ARHGAP15: variants seen among roughly 807,000 people sequenced by gnomAD.
ARHGAP15 encodes the protein rho GTPase-activating protein 15.
A neutral mutation model predicts 63.7 loss-of-function variants in ARHGAP15; 51 were observed. The observed-to-expected ratio is 0.80, with a 90% confidence interval of 0.64 to 1.01. The LOEUF is 1.01. ARHGAP15 is among the 50% of genes least tolerant of loss of function. ARHGAP15 has a pLI of 0.00. For synonymous variants in ARHGAP15, 191 were observed against 193.8 expected (o/e 0.99, Z 0.12); for missense variants, 560 against 564.6 (o/e 0.99, Z 0.08).
chr2:143,664,322 A>G (rs1290238429), intron 12 of ARHGAP15, among the ~76,000 whole-genome samples: 10 of 148,532 alleles, frequency 6.7e-5, no homozygotes, highest in East Asian at 2.0e-4. Flanking sequence ...TGACTACTGG[A>G]TACATAACGA....
chr2:143,687,002 G>T (rs1319686636), intron 12 of ARHGAP15, among the ~76,000 whole-genome samples: 1 of 152,194 alleles, frequency 6.6e-6, no homozygotes, highest in Non-Finnish European at 1.5e-5. Flanking sequence ...GTACACTGAA[G>T]AATTGAGTCA....
At chr2:143,392,886 T>A (rs1320201666) in intron 6 of ARHGAP15, among the ~76,000 whole-genome samples, 1 of 152,122 alleles carries the variant, frequency 6.6e-6, no homozygotes, top group African/African-American at 2.4e-5. Flanking sequence ...AACTAACTCA[T>A]TGTAGATGTG....
intron 12 of ARHGAP15, among the ~76,000 whole-genome samples, chr2:143,644,691 A>G (rs569308444): frequency 8.5e-5 from 13 of 152,254 alleles, no homozygotes; most frequent in Non-Finnish European, 1.9e-4. Context: ...ATCAGAACGC[A>G]AGTTCGGCCA....
At chr2:143,320,863 G>C (rs921209604) in intron 6 of ARHGAP15, among the ~76,000 whole-genome samples, 2 of 152,008 alleles carry the variant, frequency 1.3e-5, no homozygotes, top group East Asian at 3.9e-4. Flanking sequence ...AGAGCTTTGC[G>C]TGCTCTGCAG....
chr2:143,636,328 A>G (rs1398889723), intron 12 of ARHGAP15, among the ~76,000 whole-genome samples: 1 of 152,200 alleles, frequency 6.6e-6, no homozygotes, highest in African/African-American at 2.4e-5. Flanking sequence ...TCTAATTGGC[A>G]TCTAAGAAGA....
chr2:143,501,987 A>G (rs1574540402), intron 9 of ARHGAP15, among the ~76,000 whole-genome samples: 2 of 152,318 alleles, frequency 1.3e-5, no homozygotes, highest in African/African-American at 4.8e-5. Flanking sequence ...CAGGATGTGA[A>G]TAGTGGGTAA....
At chr2:143,502,237 C>T (rs1026866213) in intron 9 of ARHGAP15, among the ~76,000 whole-genome samples, 1 of 151,858 alleles carries the variant, frequency 6.6e-6, no homozygotes, top group African/African-American at 2.4e-5. Flanking sequence ...GATGAAACCC[C>T]ATCTCCACTA....
Position 143,296,661 on chromosome 2 carries a change from C to T in ARHGAP15, c.474+46061C>T, listed in dbSNP as rs13425994. On this transcript the variant is annotated intron_variant, in intron 6 of 13. Transcript: ENST00000295095. ...ATAAAATATACCTTTTTTAGAAACTCGATCTTCACATTTTTTTAAACTTTT... is the reference window on the plus strand; with the variant it reads ...ATAAAATATACCTTTTTTAGAAACTTGATCTTCACATTTTTTTAAACTTTT... 4.8e-3 allele frequency among the ~76,000 whole-genome samples: 722 copies of T among 151,414 alleles called. 6 individuals are homozygous for T. The highest frequency in any genetic ancestry group is 0.016 in the African/African-American group (643 of 41,276).
At position 143,155,540 on chromosome 2, in the gene ARHGAP15, CCCG is replaced by C; in HGVS notation, c.53_55del (p.Arg18del). On this transcript the variant is annotated inframe_deletion, in exon 2 of 14. Transcript: ENST00000295095. Reference sequence around the variant, plus strand: ...ACTTCCGTGGAAACACTGAATTCTACCCGCCAAGGCACAGGAGCTGTGCAAATG... The same window carrying C: ...ACTTCCGTGGAAACACTGAATTCTACCCAAGGCACAGGAGCTGTGCAAATG... 1 of 1,609,552 alleles carries C rather than the reference CCCG, an allele frequency of 6.2e-7. No individual in the cohort carries two copies. The highest frequency in any genetic ancestry group is 8.5e-7 in the Non-Finnish European group (1 of 1,177,992).
At chr2:143,750,665 C>T (rs529725683) in intron 13 of ARHGAP15, among the ~76,000 whole-genome samples, 33 of 152,198 alleles carry the variant, frequency 2.2e-4, no homozygotes, top group African/African-American at 7.5e-4. Context: ...TGGTTCTTTC[C>T]CTCCAGTTAG....
Position 143,622,225 on chromosome 2 carries a change from G to T in ARHGAP15, c.1004-1908G>T, listed in dbSNP as rs532928723. On this transcript the variant is annotated intron_variant, in intron 11 of 13. Transcript: ENST00000295095. ...GCAAAGTGCTTAAAAGATAAAGTAA[G>T]AATTGGTACCATGGGAAGAACACCA... 2.0e-5 allele frequency among the ~76,000 whole-genome samples: 3 copies of T among 152,242 alleles called. No homozygotes were observed. The East Asian group carries it at 5.8e-4, about 29-fold the overall frequency.
chr2:143,512,607 G>A (rs555731320), intron 9 of ARHGAP15, among the ~76,000 whole-genome samples: 2 of 152,300 alleles, frequency 1.3e-5, no homozygotes, highest in Non-Finnish European at 1.5e-5. Flanking sequence ...TTCTTGAAAC[G>A]TTTGTCCAAT....
chr2:143,714,994 T>G (rs1684744437), intron 13 of ARHGAP15, among the ~76,000 whole-genome samples: 1 of 152,220 alleles, frequency 6.6e-6, no homozygotes, highest in African/African-American at 2.4e-5. Flanking sequence ...TTTTTGGATA[T>G]CTTTTCAGCA....
intron 6 of ARHGAP15, among the ~76,000 whole-genome samples, chr2:143,265,717 G>T (rs964029108): frequency 9.9e-5 from 15 of 152,098 alleles, no homozygotes; most frequent in African/African-American, 3.6e-4. Context: ...GCAATTCTTA[G>T]ACTTGCCTTT....
chr2:143,361,499 G>C (rs1686052096), intron 6 of ARHGAP15, among the ~76,000 whole-genome samples: 1 of 152,174 alleles, frequency 6.6e-6, no homozygotes, highest in Admixed American at 6.5e-5. Context: ...CAGAGATCTT[G>C]ATGTTAATGG....
chr2:143,214,546 C>T (rs1392202074), intron 3 of ARHGAP15, among the ~76,000 whole-genome samples: 1 of 151,934 alleles, frequency 6.6e-6, no homozygotes, highest in African/African-American at 2.4e-5. Context: ...TATCCAAATA[C>T]AAAACAAAAA....
At position 143,218,387 on chromosome 2, in the gene ARHGAP15, CA is replaced by C. The variant is rs563310461; in HGVS notation, c.296+1944del. Among the ~76,000 whole-genome samples, 119 of 147,240 alleles carry C rather than the reference CA, an allele frequency of 8.1e-4. 1 individual carries two copies. The highest frequency in any genetic ancestry group is 2.9e-3 in the African/African-American group (116 of 39,930). On this transcript the variant is annotated intron_variant, in intron 4 of 13. Coordinates refer to ENST00000295095, the MANE Select transcript of ARHGAP15 (RefSeq NM_018460.4). ...GGCCTTGTGCTATTATCATTCTGGG[CA>C]AGAGCCCTAGCTGGTTTTATTTTAT...
At chr2:143,555,116 AT>A (rs375313310) in intron 10 of ARHGAP15, among the ~76,000 whole-genome samples, 2 of 152,126 alleles carry the variant, frequency 1.3e-5, no homozygotes, top group African/African-American at 4.8e-5. Flanking sequence ...ATAGTGAATG[AT>A]TGTCTTAAAT....
At chr2:143,552,822 T>C (rs558631400) in intron 10 of ARHGAP15, among the ~76,000 whole-genome samples, 11 of 152,328 alleles carry the variant, frequency 7.2e-5, no homozygotes, top group African/African-American at 2.4e-4. Flanking sequence ...AAAAATCCTG[T>C]CAGCATTTAC....
Sources: gnomAD v4.1 joint callset for allele counts (sites outside exome capture counted in the v4.1 genomes callset) on GRCh38, gnomAD v4.1.1 for gene constraint, MANE v1.5 for transcripts, NCBI Gene and HGNC (gene_info 2026-07-23, HGNC 2026-07-21) for gene names.